The following AGBL4 variants were observed in gnomAD, a reference collection of about 807,000 sequenced individuals.
The protein encoded by AGBL4 is cytosolic carboxypeptidase 6.
AGBL4 carries 58 observed loss-of-function variants against 66.4 expected under a neutral mutation model. The ratio of observed to expected loss-of-function variants is 0.87; its 90% confidence interval spans 0.71 to 1.09. The LOEUF (loss-of-function observed/expected upper bound fraction) is 1.09, where lower values mean the gene tolerates loss of function less well. AGBL4 is among the 50% of genes least tolerant of loss of function. The pLI is 0.00. For missense variants in AGBL4, 579 were observed against 631.0 expected, an observed-to-expected ratio of 0.92 and a Z score of 0.88; for synonymous variants, 234 against 222.9, an observed-to-expected ratio of 1.05 and a Z score of -0.44.
intron 3 of AGBL4, among the ~76,000 whole-genome samples, chr1:49,530,285 C>CT (rs1407783608): frequency 2.8e-5 from 1 of 36,334 alleles, no homozygotes. Context: ...AAAAAAAACT[C>CT]TATGAGTTTT....
chr1:49,721,210 T>C (rs1450099874), intron 2 of AGBL4, among the ~76,000 whole-genome samples: 6 of 151,992 alleles, frequency 3.9e-5, no homozygotes, highest in Non-Finnish European at 7.4e-5. Flanking sequence ...AAACAGAACA[T>C]GGGCAGGGAC....
At chr1:49,763,861 T>A (rs1183313899) in intron 2 of AGBL4, among the ~76,000 whole-genome samples, 1 of 152,092 alleles carries the variant, frequency 6.6e-6, no homozygotes, top group African/African-American at 2.4e-5. Flanking sequence ...CTTTTGCACA[T>A]CCCTAGGATA....
chr1:49,216,497 G>C (rs1478071635), intron 4 of AGBL4, among the ~76,000 whole-genome samples: 1 of 152,116 alleles, frequency 6.6e-6, no homozygotes, highest in Non-Finnish European at 1.5e-5. Context: ...TTATAAGTGA[G>C]AACATACAGT....
chr1:49,960,999 T>C (rs151158423), intron 1 of AGBL4, among the ~76,000 whole-genome samples: 44 of 152,132 alleles, frequency 2.9e-4, no homozygotes, highest in African/African-American at 1.0e-3. Flanking sequence ...GGTACCAAAA[T>C]TGAAAATGTG....
At chr1:48,912,015 C>G (rs1653171507) in intron 5 of AGBL4, among the ~76,000 whole-genome samples, 1 of 152,206 alleles carries the variant, frequency 6.6e-6, no homozygotes, top group African/African-American at 2.4e-5. Context: ...TCTCATTTCC[C>G]TCTATTTAAT....
chr1:49,059,761 T>C (rs1644369961), intron 4 of AGBL4, among the ~76,000 whole-genome samples: 1 of 152,186 alleles, frequency 6.6e-6, no homozygotes, highest in South Asian at 2.1e-4. Flanking sequence ...ATGTGAGACA[T>C]GGAGTCAAAG....
chr1:49,637,127 G>A (rs964552580), intron 3 of AGBL4, among the ~76,000 whole-genome samples: 5 of 152,104 alleles, frequency 3.3e-5, no homozygotes, highest in African/African-American at 1.2e-4. Context: ...TTGGGACTGG[G>A]ACTGGCTCTC....
At chr1:48,841,044 T>C (rs944422751) in intron 6 of AGBL4, among the ~76,000 whole-genome samples, 1 of 152,162 alleles carries the variant, frequency 6.6e-6, no homozygotes, top group Non-Finnish European at 1.5e-5. Flanking sequence ...TGATTCCATG[T>C]TTATGACACT....
chr1:49,988,193 T>G (rs11205671), intron 1 of AGBL4, among the ~76,000 whole-genome samples: 1 of 152,124 alleles, frequency 6.6e-6, no homozygotes, highest in Non-Finnish European at 1.5e-5. Flanking sequence ...CAGTTTAGAA[T>G]TATAAAACCT....
chr1:48,616,109 G>A (rs1570013856), intron 9 of AGBL4, among the ~76,000 whole-genome samples: 1 of 152,182 alleles, frequency 6.6e-6, no homozygotes, highest in East Asian at 1.9e-4. Flanking sequence ...GGATTTTGGA[G>A]GGGCACATAC....
intron 5 of AGBL4, among the ~76,000 whole-genome samples, chr1:48,965,001 C>T (rs573812880): frequency 6.6e-6 from 1 of 152,292 alleles, no homozygotes; most frequent in South Asian, 2.1e-4. Flanking sequence ...ATCACACTAC[C>T]TCCCAAGATC....
intron 6 of AGBL4, among the ~76,000 whole-genome samples, chr1:48,703,354 A>G (rs1471376519): frequency 6.6e-6 from 1 of 152,208 alleles, no homozygotes; most frequent in African/African-American, 2.4e-5. Context: ...GACACTGCAG[A>G]AAACTGAAAC....
intron 9 of AGBL4, among the ~76,000 whole-genome samples, chr1:48,620,050 C>T (rs1310654817): frequency 6.6e-6 from 1 of 152,112 alleles, no homozygotes; most frequent in African/African-American, 2.4e-5. Context: ...AATCGGCTTG[C>T]CCTCCGAAGG....
At chr1:49,322,304 G>A (rs577318629) in intron 3 of AGBL4, among the ~76,000 whole-genome samples, 1 of 152,180 alleles carries the variant, frequency 6.6e-6, no homozygotes, top group Admixed American at 6.5e-5. Context: ...CCAGGTGATT[G>A]TATGTGGATG....
At chr1:49,643,700 C>A (rs903269608) in intron 3 of AGBL4, among the ~76,000 whole-genome samples, 1 of 151,738 alleles carries the variant, frequency 6.6e-6, no homozygotes, top group South Asian at 2.1e-4. Context: ...TGAAAGAGAA[C>A]ATTTTCAACC....
chr1:49,920,618 T>C (rs1022566423), intron 1 of AGBL4, among the ~76,000 whole-genome samples: 1 of 151,992 alleles, frequency 6.6e-6, no homozygotes, highest in Non-Finnish European at 1.5e-5. Context: ...TGTGGAGAAA[T>C]AGGAACACTT....
chr1:49,300,787 G>T (rs1010246650), intron 3 of AGBL4, among the ~76,000 whole-genome samples: 2 of 152,106 alleles, frequency 1.3e-5, no homozygotes, highest in Non-Finnish European at 2.9e-5. Flanking sequence ...TAGCTAGTTC[G>T]TTGTGCTATT....
chr1:49,410,203 T>A (rs762278637), intron 3 of AGBL4, among the ~76,000 whole-genome samples: 1 of 152,104 alleles, frequency 6.6e-6, no homozygotes, highest in Non-Finnish European at 1.5e-5. Context: ...CTGGCAGAGC[T>A]CCAGGATATG....
chr1:49,747,950 G>GTA (rs1481898305), intron 2 of AGBL4, among the ~76,000 whole-genome samples: 1 of 147,404 alleles, frequency 6.8e-6, no homozygotes, highest in Non-Finnish European at 1.5e-5. Context: ...GTGTTTGTGT[G>GTA]TGTGTGTGTG....
Sources: gnomAD v4.1 joint callset for allele counts (sites outside exome capture counted in the v4.1 genomes callset) on GRCh38, gnomAD v4.1.1 for gene constraint, MANE v1.5 for transcripts, NCBI Gene and HGNC (gene_info 2026-07-23, HGNC 2026-07-21) for gene names.